Variants in FRYL observed in about 807,000 individuals in gnomAD.
The protein encoded by FRYL is protein furry homolog-like.
A neutral mutation model predicts 351.2 loss-of-function variants in FRYL; 150 were observed. That is an observed-to-expected ratio of 0.43 (90% CI 0.37 to 0.49). The LOEUF (loss-of-function observed/expected upper bound fraction) is 0.49, where lower values mean the gene tolerates loss of function less well. Ranked by LOEUF, FRYL falls within the 20% of genes least tolerant of loss-of-function variation. The pLI is 0.00. For synonymous variants in FRYL, 1,153 were observed against 1,257.1 expected, an observed-to-expected ratio of 0.92 and a Z score of 1.75; for missense variants, 3,036 against 3,619.3, an observed-to-expected ratio of 0.84 and a Z score of 4.13.
rs1166642532 is a variant in FRYL at position 48,567,376 on chromosome 4, G to A, written c.3041C>T (p.Thr1014Ile). 2 of 1,608,670 alleles carry A rather than the reference G, an allele frequency of 1.2e-6. No homozygotes were observed. Among genetic ancestry groups the A allele is most frequent in the East Asian group, 4.5e-5 (2 of 44,700 alleles). ...AGTTAAATCTACATATTCCAATAAA[G>A]TGTTGTTGAGAAAATGTGTTTCATT... ...LDNETHFLNN[T>I]LLEYVDLTRQ... The change falls in exon 28 of 64, where the codon ACT becomes ATT. Residue 1014 changes from threonine to isoleucine, a missense_variant. Thr to Ile is a moderately conservative substitution (Grantham distance 89). Around this residue, in one of 7 missense-constraint regions of FRYL, gnomAD observed 492 missense variants for 551.5 expected, o/e 0.89. Coordinates refer to ENST00000358350, the MANE Select transcript of FRYL (RefSeq NM_015030.2). The surrounding 1 kb of genome is among the most constrained non-coding windows in gnomAD (Gnocchi z 4.2).
intron 1 of FRYL, among the ~76,000 whole-genome samples, chr4:48,766,678 T>C (rs1228675298): frequency 6.6e-6 from 1 of 152,134 alleles, no homozygotes; most frequent in Non-Finnish European, 1.5e-5. Flanking sequence ...ACTGAAACAA[T>C]ATCACATACA....
At chr4:48,737,915 T>C (rs553121688) in intron 1 of FRYL, among the ~76,000 whole-genome samples, 1 of 152,258 alleles carries the variant, frequency 6.6e-6, no homozygotes, top group East Asian at 1.9e-4. Context: ...ACAACACTCA[T>C]TCATGATAAA....
chr4:48,613,794 A>G (rs1311592850), intron 7 of FRYL, among the ~76,000 whole-genome samples: 2 of 152,146 alleles, frequency 1.3e-5, no homozygotes, highest in African/African-American at 4.8e-5. Context: ...CGTCTCTACT[A>G]AAAATATAAA....
chr4:48,751,447 C>T (rs937899647), intron 1 of FRYL, among the ~76,000 whole-genome samples: 1 of 152,058 alleles, frequency 6.6e-6, no homozygotes, highest in Non-Finnish European at 1.5e-5. Context: ...AATGATTAAA[C>T]AAGTGAGAAG....
At chr4:48,756,946 T>C (rs1980193) in intron 1 of FRYL, among the ~76,000 whole-genome samples, 62,907 of 152,024 alleles carry the variant, frequency 0.41, 14,329 homozygotes, top group Admixed American at 0.56. Context: ...AGACTCTGTC[T>C]CTAAGGTGAA....
rs545560073 is a variant in FRYL at position 48,749,083 on chromosome 4, A to G, written c.-384+30995T>C. On this transcript the variant is annotated intron_variant, in intron 1 of 63. Transcript: ENST00000358350. The stretch of plus-strand genomic sequence containing the variant: ...ATGAGCAAGGAAACGGTAGGGGAAA[A>G]GGTCAGAAAGGCCGAGAGGGGCCAG... 1.8e-3 allele frequency among the ~76,000 whole-genome samples: 272 copies of G among 152,300 alleles called. 2 individuals are homozygous for G. Among genetic ancestry groups the G allele is most frequent in the African/African-American group, 6.1e-3 (254 of 41,554 alleles).
rs757064388 is a variant in FRYL, at chr4:48,581,575, G to A, written c.2017C>T (p.Pro673Ser). The change falls in exon 21 of 64, where the codon CCT becomes TCT. Residue 673 changes from proline to serine, a missense_variant. By Grantham distance (74) the Pro-to-Ser change is moderately conservative. Around this residue, in one of 7 missense-constraint regions of FRYL, gnomAD observed 492 missense variants for 551.5 expected, o/e 0.89. Transcript: ENST00000358350. ...HGVANGASHP[P>S]PLERSPYSNV... ...GAATATGGGCTCCTTTCCAGAGGAG[G>A]GGGATGAGAAGCTCCATTAGCTACA... The A allele has an allele frequency of 4.9e-5, 79 of 1,611,632 alleles. No homozygotes were observed. Among genetic ancestry groups the A allele is most frequent in the Non-Finnish European group, 6.4e-5 (76 of 1,179,104 alleles).
chr4:48,578,287 TC>T (rs1402969768), intron 23 of FRYL, among the ~76,000 whole-genome samples: 1 of 152,082 alleles, frequency 6.6e-6, no homozygotes, highest in Non-Finnish European at 1.5e-5. Flanking sequence ...GATAGGTCAA[TC>T]CAGATGCTGG....
At chr4:48,604,352 C>T (rs533157635) in intron 11 of FRYL, among the ~76,000 whole-genome samples, 3 of 152,192 alleles carry the variant, frequency 2.0e-5, no homozygotes, top group South Asian at 2.1e-4. Context: ...TCATATCCCC[C>T]CAAAATTCAT....
chr4:48,559,896 T>C (rs1456033486), intron 33 of FRYL, among the ~76,000 whole-genome samples: 1 of 152,100 alleles, frequency 6.6e-6, no homozygotes. Flanking sequence ...CTGTGGAAAG[T>C]AGCAAACAGA....
chr4:48,747,150 A>G (rs1330880399), intron 1 of FRYL, among the ~76,000 whole-genome samples: 1 of 96,800 alleles, frequency 1.0e-5, no homozygotes, highest in Non-Finnish European at 2.0e-5. Flanking sequence ...TCAAACAAAT[A>G]TATTTCCCCT....
chr4:48,552,607 T>C (rs1167577686), intron 36 of FRYL, among the ~76,000 whole-genome samples: 2 of 151,936 alleles, frequency 1.3e-5, no homozygotes, highest in Non-Finnish European at 2.9e-5. Flanking sequence ...CTATGAAACA[T>C]GAATAGGATG....
chr4:48,768,894 G>C (rs1484853466), intron 1 of FRYL, among the ~76,000 whole-genome samples: 1 of 152,170 alleles, frequency 6.6e-6, no homozygotes, highest in Non-Finnish European at 1.5e-5. Flanking sequence ...ACTTTGCAAG[G>C]CTGAGGCAGG....
chr4:48,606,105 A>C (rs1204526943), intron 10 of FRYL, among the ~76,000 whole-genome samples: 1 of 149,510 alleles, frequency 6.7e-6, no homozygotes, highest in Non-Finnish European at 1.5e-5. Flanking sequence ...AAGAAAAAAA[A>C]AAAAAAAAAA....
intron 2 of FRYL, among the ~76,000 whole-genome samples, chr4:48,694,005 G>A (rs1358303513): frequency 2.1e-4 from 1 of 4,814 alleles, no homozygotes; most frequent in African/African-American, 2.3e-4. Context: ...TTTGCCCAAA[G>A]GCTGCAAGGA....
intron 19 of FRYL, among the ~76,000 whole-genome samples, chr4:48,583,913 A>C (rs1255534631): frequency 6.6e-6 from 1 of 152,068 alleles, no homozygotes; most frequent in Admixed American, 6.6e-5. Flanking sequence ...TCAAAAAAAA[A>C]AGAAAAAAAA....
intron 1 of FRYL, among the ~76,000 whole-genome samples, chr4:48,778,163 GAGA>G (rs1454053362): frequency 3.9e-5 from 6 of 152,248 alleles, no homozygotes; most frequent in Middle Eastern, 3.4e-3. Flanking sequence ...TAAATTCTGT[GAGA>G]AGAATAGATT....
chr4:48,600,911 T>A (rs913317714), intron 13 of FRYL, among the ~76,000 whole-genome samples: 1 of 152,170 alleles, frequency 6.6e-6, no homozygotes, highest in African/African-American at 2.4e-5. Context: ...ATAAGGCATA[T>A]AAATTCTCAT....
chr4:48,654,814 T>C (rs543037844), intron 3 of FRYL, among the ~76,000 whole-genome samples: 5 of 152,358 alleles, frequency 3.3e-5, no homozygotes, highest in African/African-American at 1.2e-4. Context: ...AAAGCCTAAC[T>C]GCTCTTCAAA....
Sources: allele counts gnomAD v4.1 joint callset (sites outside exome capture counted in the v4.1 genomes callset), GRCh38; gene constraint gnomAD v4.1.1; regional missense constraint gnomAD v4.1.1; non-coding constraint Gnocchi (gnomAD v3.1); transcripts MANE v1.5; gene names NCBI Gene and HGNC (gene_info 2026-07-23, HGNC 2026-07-21).